The following PLPPR1 variants were observed in gnomAD, a reference collection of about 807,000 sequenced individuals.
PLPPR1 encodes the protein phospholipid phosphatase-related protein type 1.
PLPPR1 carries 10 observed loss-of-function variants against 33.1 expected under a neutral mutation model. The ratio of observed to expected loss-of-function variants is 0.30; its 90% CI spans 0.19 to 0.51. The LOEUF is 0.51. Ranked by LOEUF, PLPPR1 falls within the 20% of genes least tolerant of loss-of-function variation. The pLI is 0.97. For missense variants in PLPPR1, 304 were observed against 408.1 expected (o/e 0.74, Z 2.20); for synonymous variants, 151 against 151.0 (o/e 1.00, Z 0.00).
intron 2 of PLPPR1, among the ~76,000 whole-genome samples, chr9:101,214,361 A>AT (rs1480584358): frequency 5.9e-5 from 9 of 152,188 alleles, no homozygotes; most frequent in African/African-American, 9.7e-5. Context: ...GCACTTTGTC[A>AT]TGTCACATTA....
intron 2 of PLPPR1, among the ~76,000 whole-genome samples, chr9:101,201,340 T>C (rs1387524607): frequency 6.6e-6 from 1 of 152,236 alleles, no homozygotes; most frequent in Non-Finnish European, 1.5e-5. Flanking sequence ...TGCAACTCTG[T>C]ACTGTTAAAA....
chr9:101,067,449 A>T (rs1199273598), intron 1 of PLPPR1, among the ~76,000 whole-genome samples: 2 of 152,014 alleles, frequency 1.3e-5, no homozygotes, highest in Admixed American at 1.3e-4. Flanking sequence ...TAGGATGGTT[A>T]AAAAATATAT....
intron 2 of PLPPR1, among the ~76,000 whole-genome samples, chr9:101,245,703 A>G (rs907358380): frequency 2.0e-5 from 3 of 151,894 alleles, no homozygotes; most frequent in African/African-American, 7.2e-5. Flanking sequence ...AACCACAAAA[A>G]AGTTACTTGT....
At chr9:101,253,217 T>C (rs1303488713) in intron 2 of PLPPR1, among the ~76,000 whole-genome samples, 2 of 151,868 alleles carry the variant, frequency 1.3e-5, no homozygotes, top group East Asian at 3.9e-4. Flanking sequence ...TCAACAGCAA[T>C]CAGGTGTCTT....
intron 1 of PLPPR1, among the ~76,000 whole-genome samples, chr9:101,060,360 A>G (rs1416489008): frequency 6.6e-6 from 1 of 152,018 alleles, no homozygotes; most frequent in Non-Finnish European, 1.5e-5. Flanking sequence ...ACAAAATTTC[A>G]GTTACACAGG....
chr9:101,043,226 A>C (rs1440502260), intron 1 of PLPPR1, among the ~76,000 whole-genome samples: 1 of 151,804 alleles, frequency 6.6e-6, no homozygotes, highest in East Asian at 1.9e-4. Context: ...GGTTGCTGCA[A>C]ATGCTGTTAT....
In PLPPR1 at chr9:101,078,108, A is replaced by AGAAGGAGAAGGAGAAGGAGAAGG. The variant is rs1564138139; in HGVS notation, c.-46+49006_-46+49007insGAAGGAGAAGGAGAAGGAGAAGG. Among the ~76,000 whole-genome samples, 152 of 26,372 alleles carry AGAAGGAGAAGGAGAAGGAGAAGG rather than the reference A, an allele frequency of 5.8e-3. 2 individuals carry two copies. The highest frequency in any genetic ancestry group is 8.0e-3 in the African/African-American group (49 of 6,154). The allele number at this position is 26,372 out of a possible 152,430, so 17.3% of individuals were successfully genotyped here. On this transcript the variant is annotated intron_variant, in intron 1 of 7. Transcript: ENST00000374874. The stretch of plus-strand genomic sequence containing the variant: ...GGAGGAGGAGAAGGAGAAGGAGAAG[A>AGAAGGAGAAGGAGAAGGAGAAGG]AGAAGAAGAAGAAGAAGAAGAAGAA...
intron 2 of PLPPR1, among the ~76,000 whole-genome samples, chr9:101,218,587 T>G (rs1403943369): frequency 6.6e-6 from 1 of 152,224 alleles, no homozygotes; most frequent in Non-Finnish European, 1.5e-5. Context: ...CATAGTGCAG[T>G]GCTTTGCCCA....
chr9:101,258,106 A>G (rs1329072), intron 2 of PLPPR1, among the ~76,000 whole-genome samples: 2,842 of 152,280 alleles, frequency 0.019, 35 homozygotes, highest in Middle Eastern at 0.085. Flanking sequence ...TACAATGCCT[A>G]AAGCTGCACA....
chr9:101,103,114 G>A lies in PLPPR1; in HGVS notation c.-46+74012G>A, dbSNP rs1287473347. Among the ~76,000 whole-genome samples, 8 of 80,990 alleles carry A rather than the reference G, an allele frequency of 9.9e-5. No homozygotes were observed. In the East Asian group the frequency reaches 1.7e-3, roughly 18 times the overall value. The allele number at this position is 80,990 out of a possible 152,430, so 53.1% of individuals were successfully genotyped here. The stretch of plus-strand genomic sequence containing the variant: ...TGTAGGTTGCCTGTTCACTCTGATG[G>A]TAGTTTCTTTTGCTGTGCAGAAGCT... On this transcript the variant is annotated intron_variant, in intron 1 of 7. Transcript: ENST00000374874.
intron 2 of PLPPR1, among the ~76,000 whole-genome samples, chr9:101,231,354 G>A (rs1001627799): frequency 2.0e-4 from 25 of 127,436 alleles, no homozygotes; most frequent in African/African-American, 9.0e-4. Flanking sequence ...CTATAAATGA[G>A]ATCGTTTGTT....
intron 2 of PLPPR1, among the ~76,000 whole-genome samples, chr9:101,209,248 A>G (rs1826641915): frequency 6.6e-6 from 1 of 152,234 alleles, no homozygotes; most frequent in South Asian, 2.1e-4. Context: ...TACAGAAACT[A>G]TGTGAGTTTC....
chr9:101,110,853 C>G (rs894731076), intron 1 of PLPPR1, among the ~76,000 whole-genome samples: 2 of 152,012 alleles, frequency 1.3e-5, no homozygotes, highest in African/African-American at 4.8e-5. Context: ...AAGATGTATA[C>G]CTTTTGATCC....
intron 1 of PLPPR1, among the ~76,000 whole-genome samples, chr9:101,138,304 T>C (rs752005779): frequency 5.9e-5 from 9 of 152,196 alleles, no homozygotes; most frequent in Non-Finnish European, 1.2e-4. Context: ...CATGGTCATA[T>C]TTCTGAATGT....
chr9:101,225,724 C>T (rs61188842), intron 2 of PLPPR1, among the ~76,000 whole-genome samples: 13,158 of 132,210 alleles, frequency 0.1, 938 homozygotes, highest in African/African-American at 0.21. Context: ...ATTATCCCCC[C>T]GCCCCCCACC....
chr9:101,272,829 A>G (rs1233744039), intron 3 of PLPPR1, among the ~76,000 whole-genome samples: 3 of 152,246 alleles, frequency 2.0e-5, no homozygotes, highest in Non-Finnish European at 4.4e-5. Context: ...TAGTCAAAGC[A>G]TAAACCAATA....
chr9:101,097,792 T>C (rs770114342), intron 1 of PLPPR1, among the ~76,000 whole-genome samples: 1 of 152,062 alleles, frequency 6.6e-6, no homozygotes, highest in Non-Finnish European at 1.5e-5. Context: ...CAAAAGCTGA[T>C]TAGGAATTCT....
chr9:101,238,656 G>A (rs1398789878), intron 2 of PLPPR1, among the ~76,000 whole-genome samples: 2 of 151,662 alleles, frequency 1.3e-5, no homozygotes, highest in East Asian at 3.9e-4. Context: ...AGGAGAGTGA[G>A]GGTTGAAAAA....
chr9:101,116,596 C>G (rs1262049315), intron 1 of PLPPR1, among the ~76,000 whole-genome samples: 1 of 152,062 alleles, frequency 6.6e-6, no homozygotes, highest in African/African-American at 2.4e-5. Context: ...GGGCGGATCA[C>G]AAGGTCAAGA....
Sources: allele counts gnomAD v4.1 joint callset (sites outside exome capture counted in the v4.1 genomes callset), GRCh38; gene constraint gnomAD v4.1.1; transcripts MANE v1.5; gene names NCBI Gene and HGNC (gene_info 2026-07-23, HGNC 2026-07-21).